GJC2: variants seen among roughly 807,000 people sequenced by gnomAD.
The protein encoded by GJC2 is gap junction gamma-2 protein.
For missense variants in GJC2, 647 were observed against 648.9 expected (o/e 1.00, Z 0.03); for synonymous variants, 336 against 307.5 (o/e 1.09, Z -0.97).
At chr1:228,153,877 G>A (rs1031305453) in intron 1 of GJC2, among the ~76,000 whole-genome samples, 5 of 151,824 alleles carry the variant, frequency 3.3e-5, no homozygotes, top group East Asian at 1.9e-4. Flanking sequence ...CACCGTGCCC[G>A]GCTTAAGACC....
rs947800071 is a variant in GJC2 at position 228,150,302 on chromosome 1, G to C, written c.-20+295G>C. Among the ~76,000 whole-genome samples the C allele has an allele frequency of 4.6e-5, 7 of 152,174 alleles. No individual in the cohort carries two copies. The highest frequency in any genetic ancestry group is 8.8e-5 in the Non-Finnish European group (6 of 68,008). On this transcript the variant is annotated intron_variant, in intron 1 of 1. Transcript: ENST00000366714. The surrounding 1 kb of genome is among the most constrained non-coding windows in gnomAD (Gnocchi z 4.6). ...GCTCTGGGACAGCTGGCAAGCGGGA[G>C]GGGGGTGCCTTCAGTACCTCCCCCA...
At chr1:228,154,639 G>A (rs2124964006) in intron 1 of GJC2, among the ~76,000 whole-genome samples, 1 of 152,346 alleles carries the variant, frequency 6.6e-6, no homozygotes, top group East Asian at 1.9e-4. Flanking sequence ...TCTGCACAGA[G>A]GAGCTGTCTC....
rs748274865 is a variant in GJC2, at chr1:228,158,863, C to G, written c.1105C>G (p.Arg369Gly). The G allele has an allele frequency of 1.4e-5, 21 of 1,484,266 alleles. No individual in the cohort carries two copies. Among genetic ancestry groups the G allele is most frequent in the Admixed American group, 2.3e-5 (1 of 43,782 alleles). The allele number at this position is 1,484,266 out of a possible 1,614,324, so 91.9% of individuals were successfully genotyped here. Reference protein sequence around the residue: ...RDGAAAGDRDRDSSPCVGLPA... With the variant: ...RDGAAAGDRDGDSSPCVGLPA... ...CGGGGCAGCGGCTGGGGACCGCGACCGGGACAGTTCGCCGTGCGTCGGCCT... is the reference window on the plus strand; with the variant it reads ...CGGGGCAGCGGCTGGGGACCGCGACGGGGACAGTTCGCCGTGCGTCGGCCT... The change falls in exon 2 of 2, where the codon CGG becomes GGG. Residue 369 changes from arginine to glycine, a missense_variant. Transcript: ENST00000366714. The surrounding 1 kb of genome is among the most constrained non-coding windows in gnomAD (Gnocchi z 8.3).
rs55971641 is a variant in GJC2 at position 228,159,623 on chromosome 1, G to A, written c.*545G>A. The A allele has an allele frequency of 3.3e-4, 56 of 169,538 alleles. No homozygotes were observed. The highest frequency in any genetic ancestry group is 4.3e-5 in the Non-Finnish European group (3 of 69,582). The allele number at this position is 169,538 out of a possible 1,614,324, so 10.5% of individuals were successfully genotyped here. A position where few individuals can be genotyped will look rare whatever the true frequency, so the allele number is the denominator to read the frequency against. ...TGAGCTTCTGCGATGCCGGCCTTCC[G>A]TTCCTCTGGGAGGCTTGAAGTTCTG... On this transcript the variant is annotated 3_prime_UTR_variant, in exon 2 of 2. Coordinates refer to ENST00000366714, the MANE Select transcript of GJC2 (RefSeq NM_020435.4). The surrounding 1 kb of genome is among the most constrained non-coding windows in gnomAD (Gnocchi z 4.0).
At position 228,158,681 on chromosome 1, in the gene GJC2, C is replaced by T. The variant is rs1411618748; in HGVS notation, c.923C>T (p.Ala308Val). ...VRGRRGPPAS[A>V]PAPAPRPPPC... ...GGCCGCCGCGGCCCCCCGGCCTCCG[C>T]CCCCGCCCCCGCGCCGCGGCCCCCG... Residue 308 changes from alanine to valine, a missense_variant, in exon 2 of 2, where the codon GCC (alanine) becomes GTC (valine). Coordinates refer to ENST00000366714, the MANE Select transcript of GJC2 (RefSeq NM_020435.4). This position sits in a 1 kb window ranked among gnomAD's most constrained non-coding sequence, Gnocchi z 8.3. 8.4e-6 allele frequency: 9 copies of T among 1,072,346 alleles called. No homozygotes were observed. The African/African-American group carries it at 1.4e-4, about 16-fold the overall frequency. 66.4% of individuals were successfully genotyped at this position (1,072,346 alleles called of 1,614,324 possible). A position where few individuals can be genotyped will look rare whatever the true frequency, so the allele number is the denominator to read the frequency against.
chr1:228,157,974 G>T lies in GJC2; in HGVS notation c.216G>T (p.Ala72=), dbSNP rs747886769. The T allele has an allele frequency of 5.3e-5, 85 of 1,612,232 alleles. No individual in the cohort carries two copies. Among genetic ancestry groups the T allele is most frequent in the Non-Finnish European group, 6.9e-5 (81 of 1,179,748 alleles). Residue 72 remains alanine, a synonymous_variant, in exon 2 of 2, where the codon GCG becomes GCT. Transcript: ENST00000366714. Reference sequence around the variant, plus strand: ...ACAACGTCTGCTATGACGCCTTCGCGCCCCTGTCGCACGTGCGCTTCTGGG... The same window carrying T: ...ACAACGTCTGCTATGACGCCTTCGCTCCCCTGTCGCACGTGCGCTTCTGGG... The part of the protein sequence containing the change: ...GCDNVCYDAF[A]PLSHVRFWVF...
chr1:228,153,923 A>T (rs1236932807), intron 1 of GJC2, among the ~76,000 whole-genome samples: 1 of 149,876 alleles, frequency 6.7e-6, no homozygotes, highest in African/African-American at 2.4e-5. Flanking sequence ...AATTGCCAGC[A>T]TGGTGGCATG....
chr1:228,158,679 C>G lies in GJC2; in HGVS notation c.921C>G (p.Ser307=), dbSNP rs1302004233. The G allele has an allele frequency of 9.4e-7, 1 of 1,061,484 alleles. No homozygotes were observed. The highest frequency in any genetic ancestry group is 5.7e-5 in the Admixed American group (1 of 17,642). 65.8% of individuals were successfully genotyped at this position (1,061,484 alleles called of 1,614,324 possible). A position where few individuals can be genotyped will look rare whatever the true frequency, so the allele number is the denominator to read the frequency against. ...GCGGCCGCCGCGGCCCCCCGGCCTC[C>G]GCCCCCGCCCCCGCGCCGCGGCCCC... ...AVRGRRGPPA[S]APAPAPRPPP... Residue 307 remains serine (S), a synonymous_variant, in exon 2 of 2, where the codon TCC becomes TCG. Coordinates refer to ENST00000366714, the MANE Select transcript of GJC2 (RefSeq NM_020435.4). This position sits in a 1 kb window ranked among gnomAD's most constrained non-coding sequence, Gnocchi z 8.3.
intron 1 of GJC2, among the ~76,000 whole-genome samples, chr1:228,154,848 C>T (rs1041642893): frequency 2.0e-5 from 3 of 152,240 alleles, no homozygotes; most frequent in Admixed American, 1.3e-4. Flanking sequence ...CTCTTCTGTA[C>T]ATTCCCAGCC....
chr1:228,157,671 G>C, intron 1 of GJC2, 69 bp from the exon 2 acceptor site: 1 of 861,508 alleles, frequency 1.2e-6, no homozygotes, highest in South Asian at 1.7e-5. Context: ...GGCAAGCCTG[G>C]AGCCCCGGCT....
Position 228,150,878 on chromosome 1 carries a change from C to T in GJC2, c.-20+871C>T, listed in dbSNP as rs1205349545. Among the ~76,000 whole-genome samples, 1 of 151,968 alleles carries T rather than the reference C, an allele frequency of 6.6e-6. No individual in the cohort carries two copies. The highest frequency in any genetic ancestry group is 1.5e-5 in the Non-Finnish European group (1 of 67,934). On this transcript the variant is annotated intron_variant, in intron 1 of 1. Coordinates refer to ENST00000366714, the MANE Select transcript of GJC2 (RefSeq NM_020435.4). This position sits in a 1 kb window ranked among gnomAD's most constrained non-coding sequence, Gnocchi z 4.6. ...CTTAGGAGGCTGGGGTAATCATCAC[C>T]CCCTCACTCCCAGTATGGATACCCG... is the stretch of plus-strand genomic sequence containing the variant.
At chr1:228,153,567 C>T (rs1412453851) in intron 1 of GJC2, among the ~76,000 whole-genome samples, 3 of 145,612 alleles carry the variant, frequency 2.1e-5, no homozygotes, top group Non-Finnish European at 4.5e-5. Context: ...GTATTAAGAC[C>T]CCATTTCTCT....
At position 228,158,380 on chromosome 1, in the gene GJC2, G is replaced by A; in HGVS notation, c.622G>A (p.Gly208Ser). The A allele has an allele frequency of 6.2e-7, 1 of 1,602,680 alleles. No homozygotes were observed. The highest frequency in any genetic ancestry group is 8.5e-7 in the Non-Finnish European group (1 of 1,178,668). The stretch of plus-strand genomic sequence containing the variant: ...TGGGCGGAGGCGCATCCAGCGGGAG[G>A]GCCTGATGCGCGTGTACGTGGCCCA... ...HDGRRRIQRE[G>S]LMRVYVAQLV... Residue 208 changes from glycine (G) to serine (S), a missense_variant, in exon 2 of 2, where the codon GGC (glycine) becomes AGC (serine). Coordinates refer to ENST00000366714, the MANE Select transcript of GJC2 (RefSeq NM_020435.4). The surrounding 1 kb of genome is among the most constrained non-coding windows in gnomAD (Gnocchi z 8.3).
Position 228,158,960 on chromosome 1 carries a change from G to A in GJC2, c.1202G>A (p.Gly401Asp). ...CGGACGGGCAGTGCTACCTCTGCGGGCACTGTCGGGGAGCAGGGCCGGCCC... is the reference window on the plus strand; with the variant it reads ...CGGACGGGCAGTGCTACCTCTGCGGACACTGTCGGGGAGCAGGGCCGGCCC... ...ASRTGSATSA[G>D]TVGEQGRPGT... The change falls in exon 2 of 2, where the codon GGC becomes GAC. Residue 401 changes from glycine to aspartate, a missense_variant. Gly to Asp is a moderately conservative substitution (Grantham distance 94, BLOSUM62 -1). Transcript: ENST00000366714. This position sits in a 1 kb window ranked among gnomAD's most constrained non-coding sequence, Gnocchi z 8.3. The A allele has an allele frequency of 6.3e-7, 1 of 1,583,204 alleles. No homozygotes were observed. Among genetic ancestry groups the A allele is most frequent in the Non-Finnish European group, 8.6e-7 (1 of 1,166,888 alleles).
intron 1 of GJC2, among the ~76,000 whole-genome samples, chr1:228,153,180 C>T (rs1380263476): frequency 1.3e-5 from 2 of 151,808 alleles, no homozygotes; most frequent in Non-Finnish European, 2.9e-5. Flanking sequence ...CTTGTCCCGC[C>T]TCTCTATCAT....
In GJC2 at chr1:228,158,644, G is replaced by T. The variant is rs1248721107; in HGVS notation, c.886G>T (p.Asp296Tyr). The part of the protein sequence containing the change: ...MAHLGLGSAQ[D>Y]AVRGRRGPPA... ...CCACCTGGGCTTGGGCAGCGCGCAG[G>T]ACGCGGTGCGCGGCCGCCGCGGCCC... Residue 296 changes from aspartate (D) to tyrosine (Y), a missense_variant, in exon 2 of 2, where the codon GAC becomes TAC. Physicochemically the swap from Asp to Tyr is radical, Grantham distance 160 (BLOSUM62 -3). Transcript: ENST00000366714. The surrounding 1 kb of genome is among the most constrained non-coding windows in gnomAD (Gnocchi z 8.3). 1.3e-6 allele frequency: 2 copies of T among 1,598,718 alleles called. No individual in the cohort carries two copies. Among genetic ancestry groups the T allele is most frequent in the Non-Finnish European group, 1.7e-6 (2 of 1,173,858 alleles).
intron 1 of GJC2, among the ~76,000 whole-genome samples, chr1:228,157,139 T>A (rs2034692244): frequency 7.1e-6 from 1 of 141,630 alleles, no homozygotes; most frequent in Admixed American, 7.0e-5. Flanking sequence ...CCGACGCCCC[T>A]GTCCAGGGTG....
At chr1:228,153,405 T>G (rs914985703) in intron 1 of GJC2, among the ~76,000 whole-genome samples, 6 of 137,834 alleles carry the variant, frequency 4.4e-5, no homozygotes, top group African/African-American at 1.6e-4. Context: ...AAAAAAAAAG[T>G]AAATAGGGTC....
Position 228,158,652 on chromosome 1 carries a change from G to GCGCGGCCGC in GJC2, c.902_910dup (p.Arg301_Gly303dup), listed in dbSNP as rs2034722944. 1.3e-6 allele frequency: 2 copies of GCGCGGCCGC among 1,569,970 alleles called. No homozygotes were observed. Among genetic ancestry groups the GCGCGGCCGC allele is most frequent in the African/African-American group, 1.4e-5 (1 of 72,904 alleles). ...GCTTGGGCAGCGCGCAGGACGCGGT[G>GCGCGGCCGC]CGCGGCCGCCGCGGCCCCCCGGCCT... On this transcript the variant is annotated inframe_insertion, in exon 2 of 2. Coordinates refer to ENST00000366714, the MANE Select transcript of GJC2 (RefSeq NM_020435.4). This position sits in a 1 kb window ranked among gnomAD's most constrained non-coding sequence, Gnocchi z 8.3.
Sources: allele counts gnomAD v4.1 joint callset (sites outside exome capture counted in the v4.1 genomes callset), GRCh38; gene constraint gnomAD v4.1.1; non-coding constraint Gnocchi (gnomAD v3.1); transcripts MANE v1.5; gene names NCBI Gene and HGNC (gene_info 2026-07-23, HGNC 2026-07-21).